CACNB2: variants seen among roughly 807,000 people sequenced by gnomAD.
CACNB2 encodes the protein voltage-dependent L-type calcium channel subunit beta-2.
Under a neutral mutation model 73.3 loss-of-function variants are expected in CACNB2, and 42 were observed. That is an observed-to-expected ratio of 0.57 (90% CI 0.45 to 0.74). The LOEUF (loss-of-function observed/expected upper bound fraction) is 0.74, where lower values mean the gene tolerates loss of function less well. CACNB2 is among the 30% of genes least tolerant of loss of function. The probability of loss-of-function intolerance (pLI) is 0.00; values close to 1 mark genes in which losing one functional copy is unlikely to be tolerated. For synonymous variants in CACNB2, 348 were observed against 310.3 expected (o/e 1.12, Z -1.28); for missense variants, 940 against 853.0 (o/e 1.10, Z -1.27).
Position 18,496,814 on chromosome 10 carries a change from C to CAAAAA in CACNB2, c.334-1525_334-1521dup, listed in dbSNP as rs905870687. 2.7e-3 allele frequency among the ~76,000 whole-genome samples: 123 copies of CAAAAA among 45,162 alleles called. 2 individuals carry two copies. The highest frequency in any genetic ancestry group is 9.0e-3 in the African/African-American group (119 of 13,238). 29.6% of individuals were successfully genotyped at this position (45,162 alleles called of 152,430 possible). A position where few individuals can be genotyped will look rare whatever the true frequency, so the allele number is the denominator to read the frequency against. ...GGGCAACAAGAGCGAAACTCCGCCT[C>CAAAAA]AAAAAAAAAAAAAAAAAAAAGGAAA... On this transcript the variant is annotated intron_variant, in intron 3 of 13. Transcript: ENST00000324631.
rs568701131 is a variant in CACNB2, at chr10:18,434,769, A to G, written c.333+32726A>G. Among the ~76,000 whole-genome samples, 34 of 152,274 alleles carry G rather than the reference A, an allele frequency of 2.2e-4. 1 individual carries two copies. The highest frequency in any genetic ancestry group is 8.2e-4 in the African/African-American group (34 of 41,554). ...GCTTATGCCTAATGGTGTTTTTTGC[A>G]TTAGAAATTAAAACAGAAAAAAATA... On this transcript the variant is annotated intron_variant, in intron 3 of 13. Transcript: ENST00000324631.
intron 2 of CACNB2, among the ~76,000 whole-genome samples, chr10:18,201,563 G>A (rs146562314): frequency 2.8e-4 from 43 of 152,154 alleles, no homozygotes; most frequent in African/African-American, 8.7e-4. Context: ...GCATGGGCCA[G>A]TATCATTTCT....
At chr10:18,411,961 G>C (rs142575573) in intron 3 of CACNB2, among the ~76,000 whole-genome samples, 6 of 152,268 alleles carry the variant, frequency 3.9e-5, no homozygotes, top group African/African-American at 1.4e-4. Flanking sequence ...ATTTTATTTA[G>C]GTTACACTTC....
chr10:18,287,141 C>A (rs1162119519), intron 2 of CACNB2, among the ~76,000 whole-genome samples: 1 of 151,810 alleles, frequency 6.6e-6, no homozygotes, highest in Non-Finnish European at 1.5e-5. Flanking sequence ...CCGGCCTAGC[C>A]AACATAGTGA....
At chr10:18,475,046 G>A (rs1042248964) in intron 3 of CACNB2, among the ~76,000 whole-genome samples, 1 of 149,870 alleles carries the variant, frequency 6.7e-6, no homozygotes, top group Non-Finnish European at 1.5e-5. Flanking sequence ...AAACTCAAGA[G>A]AACAGCCGAC....
intron 2 of CACNB2, among the ~76,000 whole-genome samples, chr10:18,371,351 C>G (rs1417224031): frequency 6.6e-6 from 1 of 152,042 alleles, no homozygotes; most frequent in Non-Finnish European, 1.5e-5. Flanking sequence ...TGCTATCCCT[C>G]CCCCCTTTCC....
intron 3 of CACNB2, among the ~76,000 whole-genome samples, chr10:18,496,975 C>T (rs2049869356): frequency 6.6e-6 from 1 of 151,538 alleles, no homozygotes; most frequent in African/African-American, 2.4e-5. Flanking sequence ...CTTTGGGAGG[C>T]TGAGGCGGGC....
chr10:18,519,644 TA>T (rs1439698076), intron 9 of CACNB2: 1 of 449,762 alleles, frequency 2.2e-6, no homozygotes. Context: ...CATCACCATG[TA>T]AAAATGTTAA....
intron 2 of CACNB2, among the ~76,000 whole-genome samples, chr10:18,190,532 T>G (rs188519461): frequency 2.0e-5 from 3 of 152,196 alleles, no homozygotes; most frequent in Non-Finnish European, 4.4e-5. Flanking sequence ...AAATAGTTAC[T>G]AATTTATTTA....
intron 2 of CACNB2, among the ~76,000 whole-genome samples, chr10:18,329,307 C>T (rs989836659): frequency 6.6e-6 from 1 of 152,106 alleles, no homozygotes; most frequent in Non-Finnish European, 1.5e-5. Context: ...TGGTAAAGTG[C>T]TAAGCAATTG....
At chr10:18,391,044 T>C (rs1041659405) in intron 2 of CACNB2, among the ~76,000 whole-genome samples, 1 of 152,222 alleles carries the variant, frequency 6.6e-6, no homozygotes, top group Non-Finnish European at 1.5e-5. Flanking sequence ...ATAAAGTCTC[T>C]CTTAGATTCA....
chr10:18,489,556 G>A (rs918704444), intron 3 of CACNB2, among the ~76,000 whole-genome samples: 72 of 151,826 alleles, frequency 4.7e-4, no homozygotes, highest in African/African-American at 1.5e-3. Flanking sequence ...GACTACAAGC[G>A]TGTGCCACAG....
chr10:18,149,116 C>G (rs754322993), intron 1 of CACNB2, among the ~76,000 whole-genome samples: 3 of 151,784 alleles, frequency 2.0e-5, no homozygotes, highest in Non-Finnish European at 4.4e-5. Context: ...CGCTACACCC[C>G]CAAAGAAACA....
chr10:18,496,283 GT>G, intron 3 of CACNB2, among the ~76,000 whole-genome samples: 1 of 151,788 alleles, frequency 6.6e-6, no homozygotes, highest in Non-Finnish European at 1.5e-5. Flanking sequence ...CCAGAATTTG[GT>G]TTTCCTTTCC....
intron 2 of CACNB2, among the ~76,000 whole-genome samples, chr10:18,354,385 C>T (rs2041830332): frequency 6.6e-6 from 1 of 152,096 alleles, no homozygotes; most frequent in African/African-American, 2.4e-5. Context: ...CAACTCTCCA[C>T]CCTTCCACCA....
At chr10:18,179,045 A>G (rs577518495) in intron 2 of CACNB2, among the ~76,000 whole-genome samples, 20 of 152,338 alleles carry the variant, frequency 1.3e-4, no homozygotes, top group African/African-American at 4.8e-4. Flanking sequence ...ATTCACATAA[A>G]CAAATTAGAA....
intron 2 of CACNB2, among the ~76,000 whole-genome samples, chr10:18,394,346 C>T (rs2043619925): frequency 6.6e-6 from 1 of 152,190 alleles, no homozygotes; most frequent in African/African-American, 2.4e-5. Context: ...ACAAAACTAT[C>T]ACGATGCCTT....
At chr10:18,311,045 TG>T (rs2039945685) in intron 2 of CACNB2, among the ~76,000 whole-genome samples, 1 of 152,326 alleles carries the variant, frequency 6.6e-6, no homozygotes, top group African/African-American at 2.4e-5. Context: ...CATAGCTTTT[TG>T]TTCTTGTTTT....
intron 2 of CACNB2, among the ~76,000 whole-genome samples, chr10:18,390,863 A>AT (rs1296487178): frequency 1.3e-5 from 2 of 152,196 alleles, no homozygotes; most frequent in Non-Finnish European, 2.9e-5. Context: ...TAGTATACTC[A>AT]TTTTACAAAT....
Sources: allele counts gnomAD v4.1 joint callset (sites outside exome capture counted in the v4.1 genomes callset), GRCh38; gene constraint gnomAD v4.1.1; transcripts MANE v1.5; gene names NCBI Gene and HGNC (gene_info 2026-07-23, HGNC 2026-07-21).